EIF2S3: variants seen among roughly 807,000 people sequenced by gnomAD.
EIF2S3 encodes the protein eukaryotic translation initiation factor 2 subunit 3.
Under a neutral mutation model 31.7 loss-of-function variants are expected in EIF2S3, and 2 were observed. The observed-to-expected ratio is 0.06, with a 90% CI of 0.03 to 0.20. The LOEUF is 0.20. EIF2S3 is among the 10% of genes least tolerant of loss of function. The pLI is 1.00. For missense variants in EIF2S3, 96 were observed against 359.3 expected (o/e 0.27, Z 5.92); for synonymous variants, 120 against 126.7 (o/e 0.95, Z 0.36).
intron 2 of EIF2S3, among the ~76,000 whole-genome samples, chrX:24,056,790 T>A (rs1375600327): frequency 2.7e-5 from 3 of 111,539 alleles, no homozygotes; most frequent in Non-Finnish European, 5.7e-5. Flanking sequence ...GCCCAGGTGG[T>A]TGAGGTTGCA....
chrX:24,065,906 A>C, intron 7 of EIF2S3, 92 bp from the exon 8 acceptor site: 1 of 802,568 alleles, frequency 1.2e-6, no homozygotes, highest in East Asian at 3.2e-5. Context: ...ATAAATCTCA[A>C]ATGGCCACTA....
At chrX:24,056,311 G>A (rs1204843736) in intron 2 of EIF2S3, among the ~76,000 whole-genome samples, 1 of 111,834 alleles carries the variant, frequency 8.9e-6, no homozygotes, top group Non-Finnish European at 1.9e-5. Context: ...AAGCCTACAG[G>A]CCTTGAACTA....
chrX:24,066,210 A>AT (rs1257541877), intron 8 of EIF2S3, 118 bp downstream of exon 8: 3 of 482,480 alleles, frequency 6.2e-6, no homozygotes, highest in East Asian at 7.8e-5. Context: ...GAAAAATAAA[A>AT]TTTTTTCCAT....
chrX:24,060,726 C>G (rs763472922), intron 5 of EIF2S3, among the ~76,000 whole-genome samples: 29 of 109,655 alleles, frequency 2.6e-4, no homozygotes, highest in African/African-American at 9.6e-4. Flanking sequence ...CTTTGGGAGG[C>G]TGAGGTCGGC....
chrX:24,071,869 A>AG, intron 10 of EIF2S3, 142 bp downstream of exon 10: 1 of 668,481 alleles, frequency 1.5e-6, no homozygotes, highest in Non-Finnish European at 2.1e-6. Context: ...CCCAAAATTG[A>AG]GGGTTTTTTT....
chrX:24,060,510 TTGTG>T (rs1157691431), intron 5 of EIF2S3: 8 of 275,005 alleles, frequency 2.9e-5, no homozygotes, highest in Non-Finnish European at 5.2e-5. Flanking sequence ...GTGTTATGGT[TTGTG>T]TGTGTGTATG....
Position 24,077,302 on chromosome X carries a change from G to T in EIF2S3, c.*517G>T, listed in dbSNP as rs1413197882. The T allele has an allele frequency of 8.9e-6, 1 of 112,018 alleles. No homozygotes were observed. The highest frequency in any genetic ancestry group is 3.3e-5 in the African/African-American group (1 of 30,720). The allele number at this position is 112,018 out of a possible 1,213,427, so 9.2% of individuals were successfully genotyped here. On this transcript the variant is annotated 3_prime_UTR_variant, in exon 12 of 12. Coordinates refer to ENST00000253039, the MANE Select transcript of EIF2S3 (RefSeq NM_001415.4). ...TAGGCCGGTCTCTCCTGACCTCAGG[G>T]TGATCAGCCCACCTCGGCCTCACAA...
intron 8 of EIF2S3, among the ~76,000 whole-genome samples, chrX:24,066,995 A>T (rs1930585915): frequency 9.0e-6 from 1 of 111,144 alleles, no homozygotes; most frequent in East Asian, 2.8e-4. Context: ...TGGTAGCTGT[A>T]TTTTCAGGTT....
chrX:24,058,313 C>G (rs1469943239), intron 4 of EIF2S3, among the ~76,000 whole-genome samples: 1 of 110,896 alleles, frequency 9.0e-6, no homozygotes, highest in Non-Finnish European at 1.9e-5. Flanking sequence ...GGCAGGTATG[C>G]CAGAAAACTC....
intron 3 of EIF2S3, 23 bp from the exon 4 acceptor site, chrX:24,057,610 A>G: frequency 8.3e-7 from 1 of 1,209,762 alleles, no homozygotes; most frequent in Non-Finnish European, 1.1e-6. Context: ...ACAAATCAAA[A>G]TCTTTTTTTA....
At chrX:24,074,862 CTTT>C (rs758813480) in intron 11 of EIF2S3, among the ~76,000 whole-genome samples, 4 of 47,466 alleles carry the variant, frequency 8.4e-5, no homozygotes, top group Admixed American at 8.4e-4. Flanking sequence ...TTTTCTTCTT[CTTT>C]TTTTTTTTTT....
chrX:24,076,702 C>A lies in EIF2S3; in HGVS notation c.1356-20C>A. The A allele has an allele frequency of 8.3e-7, 1 of 1,197,945 alleles. No individual in the cohort carries two copies. Among genetic ancestry groups the A allele is most frequent in the Non-Finnish European group, 1.1e-6 (1 of 887,886 alleles). On this transcript the variant is annotated intron_variant, in intron 11 of 11. Coordinates refer to ENST00000253039, the MANE Select transcript of EIF2S3 (RefSeq NM_001415.4). ...GAAGTGGATGTAAGATTTATGATTTCTTTTATTTTCATTTTGCAGTTTAAT... is the reference window on the plus strand; with the variant it reads ...GAAGTGGATGTAAGATTTATGATTTATTTTATTTTCATTTTGCAGTTTAAT...
intron 2 of EIF2S3, 32 bp downstream of exon 2, chrX:24,055,710 C>T: frequency 1.7e-6 from 2 of 1,169,114 alleles, no homozygotes; most frequent in African/African-American, 3.5e-5. Flanking sequence ...TAACCTTGGT[C>T]TCCAACAATT....
chrX:24,057,138 C>G (rs767291913), intron 2 of EIF2S3, among the ~76,000 whole-genome samples: 1 of 112,542 alleles, frequency 8.9e-6, no homozygotes, highest in Non-Finnish European at 1.9e-5. Context: ...TCAAGTGATT[C>G]TTTTGCCTCA....
rs372984450 is a variant in EIF2S3, at chrX:24,057,601, C to A, written c.262-32C>A. On this transcript the variant is annotated intron_variant, in intron 3 of 11. Coordinates refer to ENST00000253039, the MANE Select transcript of EIF2S3 (RefSeq NM_001415.4). Reference sequence around the variant, plus strand: ...CTAACTTTAATTGTTGTGCAGATAACAAATCAAAATCTTTTTTTATTGAAA... The same window carrying A: ...CTAACTTTAATTGTTGTGCAGATAAAAAATCAAAATCTTTTTTTATTGAAA... 7 of 1,207,673 alleles carry A rather than the reference C, an allele frequency of 5.8e-6. No homozygotes were observed. The African/African-American group carries it at 1.0e-4, about 18-fold the overall frequency.
chrX:24,070,301 G>A (rs1444937756), intron 9 of EIF2S3, among the ~76,000 whole-genome samples: 1 of 107,247 alleles, frequency 9.3e-6, no homozygotes, highest in Non-Finnish European at 1.9e-5. Context: ...CAGCCTGGGC[G>A]ACAGAGACTG....
At chrX:24,064,747 C>T (rs866688885) in intron 7 of EIF2S3, among the ~76,000 whole-genome samples, 35 of 111,164 alleles carry the variant, frequency 3.1e-4, no homozygotes, top group Non-Finnish European at 1.3e-4. Flanking sequence ...GAGAATGGCG[C>T]GAACCCGGGA....
intron 2 of EIF2S3, among the ~76,000 whole-genome samples, chrX:24,056,495 C>T: frequency 8.9e-6 from 1 of 112,203 alleles, no homozygotes; most frequent in East Asian, 2.8e-4. Flanking sequence ...TGTTTGTTCA[C>T]AGATCCCTTT....
At chrX:24,073,520 G>A (rs1297939922) in intron 11 of EIF2S3, 5 of 205,848 alleles carry the variant, frequency 2.4e-5, no homozygotes, top group Non-Finnish European at 3.5e-5. Flanking sequence ...GTGAAACCCC[G>A]TCTCTACTAA....
Sources: gnomAD v4.1 joint callset for allele counts (sites outside exome capture counted in the v4.1 genomes callset) on GRCh38, gnomAD v4.1.1 for gene constraint, MANE v1.5 for transcripts, NCBI Gene and HGNC (gene_info 2026-07-23, HGNC 2026-07-21) for gene names.